SAMD5: variants seen among roughly 807,000 people sequenced by gnomAD.
SAMD5 encodes the protein sterile alpha motif domain-containing protein 5.
Under a neutral mutation model 11.3 loss-of-function variants are expected in SAMD5, and 13 were observed. The ratio of observed to expected loss-of-function variants is 1.15; its 90% CI spans 0.75 to 1.83. The LOEUF (loss-of-function observed/expected upper bound fraction) is 1.83, where lower values mean the gene tolerates loss of function less well. SAMD5 is among the 40% of genes most tolerant of loss of function. SAMD5 has a pLI of 0.00. For missense variants in SAMD5, 255 were observed against 239.1 expected (o/e 1.07, Z -0.44); for synonymous variants, 129 against 111.3 (o/e 1.16, Z -1.00).
chr6:147,837,849 C>T, the SAMD5 span, among the ~76,000 whole-genome samples: 13 of 152,122 alleles, frequency 8.5e-5, no homozygotes, highest in African/African-American at 1.4e-4. Flanking sequence ...CTAAAATACT[C>T]GACTCAAACG....
Position 147,567,368 on chromosome 6 carries a change from G to A in SAMD5, c.*2912G>A, listed in dbSNP as rs1403791331. 4.1e-6 allele frequency: 4 copies of A among 984,714 alleles called. No individual in the cohort carries two copies. The highest frequency in any genetic ancestry group is 4.8e-6 in the Non-Finnish European group (4 of 829,456). The allele number at this position is 984,714 out of a possible 1,614,324, so 61.0% of individuals were successfully genotyped here. A position where few individuals can be genotyped will look rare whatever the true frequency, so the allele number is the denominator to read the frequency against. On this transcript the variant is annotated 3_prime_UTR_variant, in exon 2 of 2. Coordinates refer to ENST00000367474, the MANE Select transcript of SAMD5 (RefSeq NM_001030060.3). ...ATAAACAATGACAACAACAAGCATT[G>A]AGCTTTCACTTTGGAGTTACTCAGA...
intron 1 of SAMD5, among the ~76,000 whole-genome samples, chr6:147,560,995 G>A (rs1788938956): frequency 6.6e-6 from 1 of 152,152 alleles, no homozygotes; most frequent in Non-Finnish European, 1.5e-5. Context: ...GACTAACTGT[G>A]ATGTAAACCT....
At chr6:147,851,529 C>T in the SAMD5 span, among the ~76,000 whole-genome samples, 2 of 152,126 alleles carry the variant, frequency 1.3e-5, no homozygotes, top group Admixed American at 6.6e-5. Context: ...AAGGTGAAGG[C>T]TTGTGAATAG....
downstream of SAMD5, among the ~76,000 whole-genome samples, chr6:147,739,878 G>A (rs532484006): frequency 1.8e-4 from 28 of 152,086 alleles, no homozygotes; most frequent in Admixed American, 1.1e-3. Flanking sequence ...GGAGTGCAGC[G>A]GCATGATATC....
chr6:147,567,589 C>T lies in SAMD5; in HGVS notation c.*3133C>T, dbSNP rs1487646693. 1.2e-5 allele frequency: 11 copies of T among 934,456 alleles called. No individual in the cohort carries two copies. Among genetic ancestry groups the T allele is most frequent in the Non-Finnish European group, 1.4e-5 (11 of 784,052 alleles). The allele number at this position is 934,456 out of a possible 1,614,324, so 57.9% of individuals were successfully genotyped here. A position where few individuals can be genotyped will look rare whatever the true frequency, so the allele number is the denominator to read the frequency against. On this transcript the variant is annotated 3_prime_UTR_variant, in exon 2 of 2. Transcript: ENST00000367474. ...AGAGGCTTAAGAGTTCTATGGCTTA[C>T]ACCCACATACAGTCCTTGGCTCAGT...
the SAMD5 span, among the ~76,000 whole-genome samples, chr6:147,891,865 A>G: frequency 5.3e-5 from 8 of 151,878 alleles, no homozygotes; most frequent in South Asian, 2.1e-4. Context: ...CCTGGAAAAG[A>G]AAGAGCAGAG....
At chr6:147,790,718 A>G in the SAMD5 span, among the ~76,000 whole-genome samples, 21 of 151,440 alleles carry the variant, frequency 1.4e-4, no homozygotes, top group Non-Finnish European at 2.2e-4. Flanking sequence ...TAAATACAAA[A>G]GATGAATTGG....
At chr6:147,858,364 G>T in the SAMD5 span, among the ~76,000 whole-genome samples, 50 of 152,190 alleles carry the variant, frequency 3.3e-4, no homozygotes, top group East Asian at 6.4e-3. Context: ...TTCTTAGGTT[G>T]CTCTGTTTGA....
the SAMD5 span, among the ~76,000 whole-genome samples, chr6:147,800,086 G>A: frequency 5.9e-5 from 9 of 152,264 alleles, no homozygotes; most frequent in East Asian, 5.8e-4. Flanking sequence ...GTCATTCTCC[G>A]TCCAGCTTTG....
At chr6:147,846,355 C>A in the SAMD5 span, among the ~76,000 whole-genome samples, 2 of 152,104 alleles carry the variant, frequency 1.3e-5, no homozygotes, top group Non-Finnish European at 2.9e-5. Flanking sequence ...TATGCACAGA[C>A]ACAATCACAT....
chr6:147,512,509 G>A (rs990040968), intron 1 of SAMD5, among the ~76,000 whole-genome samples: 12 of 152,182 alleles, frequency 7.9e-5, no homozygotes, highest in Non-Finnish European at 1.5e-4. Context: ...AATGGTCAAA[G>A]TTATGCGGTT....
the SAMD5 span, among the ~76,000 whole-genome samples, chr6:147,856,736 G>A: frequency 2.0e-5 from 3 of 149,756 alleles, no homozygotes; most frequent in Admixed American, 6.7e-5. Flanking sequence ...CCTTTTAACC[G>A]TCAGCAGTCC....
the SAMD5 span, among the ~76,000 whole-genome samples, chr6:147,802,820 A>G: frequency 4.5e-4 from 69 of 152,366 alleles, no homozygotes; most frequent in African/African-American, 1.6e-3. Flanking sequence ...CCATTGATAC[A>G]AAGTTCTACA....
chr6:147,516,184 A>G (rs970413073), intron 1 of SAMD5, among the ~76,000 whole-genome samples: 5 of 152,120 alleles, frequency 3.3e-5, no homozygotes, highest in African/African-American at 1.2e-4. Context: ...CAAGTCACCT[A>G]CTCTTCTATG....
the SAMD5 span, among the ~76,000 whole-genome samples, chr6:147,748,386 C>T: frequency 1.3e-5 from 2 of 152,190 alleles, no homozygotes; most frequent in East Asian, 1.9e-4. Flanking sequence ...TTAGTCTCCT[C>T]ACCTGTGCCA....
chr6:147,562,829 A>T (rs1200497857), intron 1 of SAMD5, among the ~76,000 whole-genome samples: 2 of 150,190 alleles, frequency 1.3e-5, no homozygotes, highest in Non-Finnish European at 3.0e-5. Context: ...CTCAAAAAAA[A>T]ATAAATAAAT....
At chr6:147,780,552 TAAAG>T in the SAMD5 span, among the ~76,000 whole-genome samples, 1 of 152,200 alleles carries the variant, frequency 6.6e-6, no homozygotes, top group Admixed American at 6.6e-5. Context: ...TAAAACTCCT[TAAAG>T]AAATATTCCA....
At chr6:147,943,711 T>G in the SAMD5 span, among the ~76,000 whole-genome samples, 1 of 152,084 alleles carries the variant, frequency 6.6e-6, no homozygotes, top group African/African-American at 2.4e-5. Flanking sequence ...TCTGCTATAT[T>G]CTTATCCTTC....
intron 1 of SAMD5, among the ~76,000 whole-genome samples, chr6:147,666,471 C>A (rs1329080693): frequency 1.3e-5 from 2 of 152,162 alleles, no homozygotes; most frequent in Non-Finnish European, 2.9e-5. Flanking sequence ...GCTGCTAAAG[C>A]TTCAGGCCCT....
Sources: gnomAD v4.1 joint callset for allele counts (sites outside exome capture counted in the v4.1 genomes callset) on GRCh38, gnomAD v4.1.1 for gene constraint, MANE v1.5 for transcripts, NCBI Gene and HGNC (gene_info 2026-07-23, HGNC 2026-07-21) for gene names.